The following PHACTR1 variants were observed in gnomAD, a reference collection of about 807,000 sequenced individuals.
The protein encoded by PHACTR1 is phosphatase and actin regulator 1, also known as RPEL repeat containing 1.
Under a neutral mutation model 69.2 loss-of-function variants are expected in PHACTR1, and 16 were observed. The ratio of observed to expected loss-of-function variants is 0.23; its 90% CI spans 0.16 to 0.35. The LOEUF is 0.35. PHACTR1 is among the 10% of genes least tolerant of loss of function. PHACTR1 has a pLI of 1.00. For synonymous variants in PHACTR1, 312 were observed against 284.5 expected, an observed-to-expected ratio of 1.10 and a Z score of -0.97; for missense variants, 510 against 734.7, an observed-to-expected ratio of 0.69 and a Z score of 3.54.
intron 10 of PHACTR1, among the ~76,000 whole-genome samples, chr6:13,249,291 C>T (rs1471877261): frequency 2.6e-5 from 4 of 152,196 alleles, no homozygotes; most frequent in Non-Finnish European, 2.9e-5. Flanking sequence ...CTCGGTTTCA[C>T]GTTCCTTATG....
intron 4 of PHACTR1, among the ~76,000 whole-genome samples, chr6:12,969,278 G>A (rs956921366): frequency 1.3e-5 from 2 of 152,090 alleles, no homozygotes; most frequent in African/African-American, 2.4e-5. Flanking sequence ...GCTGAGTATT[G>A]GATTGCAGGG....
chr6:12,981,683 G>A (rs1404971688), intron 4 of PHACTR1, among the ~76,000 whole-genome samples: 1 of 152,110 alleles, frequency 6.6e-6, no homozygotes, highest in African/African-American at 2.4e-5. Flanking sequence ...TCCTCGATTG[G>A]ACATGACATG....
chr6:13,062,653 G>C (rs1409865196), intron 5 of PHACTR1, among the ~76,000 whole-genome samples: 1 of 152,150 alleles, frequency 6.6e-6, no homozygotes, highest in African/African-American at 2.4e-5. Flanking sequence ...TTCCATGCTA[G>C]CCCCAGATTT....
At chr6:12,920,691 A>C (rs1787543017) in intron 4 of PHACTR1, among the ~76,000 whole-genome samples, 1 of 152,256 alleles carries the variant, frequency 6.6e-6, no homozygotes, top group African/African-American at 2.4e-5. Flanking sequence ...TGTCATTATC[A>C]AAGTGCCCCT....
chr6:13,064,598 A>ATC (rs1808289018), intron 5 of PHACTR1, among the ~76,000 whole-genome samples: 1 of 7,612 alleles, frequency 1.3e-4, no homozygotes, highest in Non-Finnish European at 2.3e-4. Flanking sequence ...ATATATATAT[A>ATC]TATATATCTA....
At chr6:12,749,549 C>G (rs771149472) in intron 3 of PHACTR1, 95 bp from the exon 4 acceptor site, 1 of 417,118 alleles carries the variant, frequency 2.4e-6, no homozygotes, top group African/African-American at 2.4e-5. Context: ...TCCCCTCCCC[C>G]TTCCCCTCCC....
chr6:12,974,858 T>G (rs1252397972), intron 4 of PHACTR1, among the ~76,000 whole-genome samples: 1 of 152,202 alleles, frequency 6.6e-6, no homozygotes, highest in Non-Finnish European at 1.5e-5. Context: ...AAGGTGTTAT[T>G]TTCAAGCCAC....
At chr6:12,733,958 A>G (rs1763905457) in intron 3 of PHACTR1, among the ~76,000 whole-genome samples, 1 of 152,226 alleles carries the variant, frequency 6.6e-6, no homozygotes, top group Non-Finnish European at 1.5e-5. Context: ...CTCAACATTC[A>G]AATAATAGAA....
At chr6:13,122,210 T>G (rs997107239) in intron 5 of PHACTR1, among the ~76,000 whole-genome samples, 2 of 152,254 alleles carry the variant, frequency 1.3e-5, no homozygotes, top group African/African-American at 4.8e-5. Context: ...AAAACATTTT[T>G]AAGAGTTTCA....
intron 4 of PHACTR1, among the ~76,000 whole-genome samples, chr6:12,766,236 G>A (rs1013696335): frequency 8.5e-5 from 13 of 152,130 alleles, no homozygotes; most frequent in African/African-American, 9.7e-5. Flanking sequence ...TGGATTAAAC[G>A]GAATTTTTCT....
chr6:13,142,621 A>T (rs1005823278), intron 5 of PHACTR1, among the ~76,000 whole-genome samples: 1 of 152,052 alleles, frequency 6.6e-6, no homozygotes, highest in Non-Finnish European at 1.5e-5. Context: ...TTGCATGAGG[A>T]TATTCAGTTG....
intron 10 of PHACTR1, among the ~76,000 whole-genome samples, chr6:13,251,229 T>C (rs1023391312): frequency 2.0e-5 from 3 of 152,182 alleles, no homozygotes; most frequent in African/African-American, 7.2e-5. Context: ...GGTGGGATGC[T>C]GGCCATAGGC....
At chr6:13,028,568 G>C (rs373112969) in intron 4 of PHACTR1, among the ~76,000 whole-genome samples, 1 of 152,162 alleles carries the variant, frequency 6.6e-6, no homozygotes, top group African/African-American at 2.4e-5. Flanking sequence ...GAATATTTCG[G>C]GTCAGCGTTT....
At chr6:12,938,589 A>G (rs1041003699) in intron 4 of PHACTR1, among the ~76,000 whole-genome samples, 2 of 152,188 alleles carry the variant, frequency 1.3e-5, no homozygotes, top group African/African-American at 4.8e-5. Context: ...TAAACTTCAC[A>G]TATTTCAGGC....
intron 5 of PHACTR1, among the ~76,000 whole-genome samples, chr6:13,108,974 TTTG>T (rs1426862308): frequency 6.6e-6 from 1 of 152,048 alleles, no homozygotes; most frequent in Non-Finnish European, 1.5e-5. Flanking sequence ...GCTCTATTCC[TTTG>T]TTATATTATT....
In PHACTR1 at chr6:13,070,529, T is replaced by C. The variant is rs565721238; in HGVS notation, c.415+17000T>C. Reference sequence around the variant, plus strand: ...AGGGTCACAGGGCTGGTTAATGATATAGCCCTAGAGGATTGGAATTGCAAG... The same window carrying C: ...AGGGTCACAGGGCTGGTTAATGATACAGCCCTAGAGGATTGGAATTGCAAG... On this transcript the variant is annotated intron_variant, in intron 5 of 14. Transcript: ENST00000332995. 3.9e-5 allele frequency among the ~76,000 whole-genome samples: 6 copies of C among 152,284 alleles called. No individual in the cohort carries two copies. The East Asian group carries it at 1.2e-3, about 29-fold the overall frequency.
intron 5 of PHACTR1, among the ~76,000 whole-genome samples, chr6:13,127,313 T>C (rs538230674): frequency 1.2e-4 from 18 of 152,290 alleles, no homozygotes; most frequent in Admixed American, 1.2e-3. Flanking sequence ...ACGCCTGTAA[T>C]CCCAACACTT....
chr6:12,939,010 A>G lies in PHACTR1; in HGVS notation c.251-114355A>G, dbSNP rs199601840. Reference sequence around the variant, plus strand: ...TTTGACTATTACAAATTAAGCTGCTATGAACAGTCACATACAAATCTTGGT... The same window carrying G: ...TTTGACTATTACAAATTAAGCTGCTGTGAACAGTCACATACAAATCTTGGT... On this transcript the variant is annotated intron_variant, in intron 4 of 14. Coordinates refer to ENST00000332995, the MANE Select transcript of PHACTR1 (RefSeq NM_030948.6). Among the ~76,000 whole-genome samples, 7 of 152,324 alleles carry G rather than the reference A, an allele frequency of 4.6e-5. No homozygotes were observed. In the East Asian group the frequency reaches 1.2e-3, roughly 25 times the overall value.
intron 4 of PHACTR1, among the ~76,000 whole-genome samples, chr6:12,905,638 C>G (rs1405258497): frequency 1.3e-5 from 2 of 151,986 alleles, no homozygotes; most frequent in East Asian, 3.9e-4. Context: ...GACAGCACAT[C>G]CAGAGAAGGT....
Sources: allele counts gnomAD v4.1 joint callset (sites outside exome capture counted in the v4.1 genomes callset), GRCh38; gene constraint gnomAD v4.1.1; transcripts MANE v1.5; gene names NCBI Gene and HGNC (gene_info 2026-07-23, HGNC 2026-07-21).